CAPRIN1: variants seen among roughly 807,000 people sequenced by gnomAD.
CAPRIN1 encodes the protein caprin-1.
A neutral mutation model predicts 100.9 loss-of-function variants in CAPRIN1; 29 were observed. That is an observed-to-expected ratio of 0.29 (90% confidence interval 0.21 to 0.39). CAPRIN1 has a LOEUF of 0.39. Among genes scored for constraint, CAPRIN1 ranks in the 10% least tolerant of loss-of-function variants. The pLI is 1.00. For synonymous variants in CAPRIN1, 338 were observed against 307.5 expected (o/e 1.10, Z -1.04); for missense variants, 795 against 876.7 (o/e 0.91, Z 1.18).
chr11:34,060,014 G>C (rs1252433777), intron 2 of CAPRIN1, among the ~76,000 whole-genome samples: 1 of 149,936 alleles, frequency 6.7e-6, no homozygotes, highest in Non-Finnish European at 1.5e-5. Context: ...TGGCCAACCT[G>C]TGAAACCCCG....
intron 15 of CAPRIN1, among the ~76,000 whole-genome samples, chr11:34,093,944 G>C (rs1262286473): frequency 6.9e-6 from 1 of 145,360 alleles, no homozygotes; most frequent in Non-Finnish European, 1.5e-5. Context: ...CCACTGATAA[G>C]TACATGGATT....
At chr11:34,071,856 G>A (rs1357426738) in intron 3 of CAPRIN1, 45 bp from the exon 4 acceptor site, 1 of 1,585,416 alleles carries the variant, frequency 6.3e-7, no homozygotes, top group Admixed American at 1.7e-5. Context: ...TTAATTCTGT[G>A]GTTTTTTGTC....
In CAPRIN1 at chr11:34,062,267, G is replaced by A. The variant is rs977820584; in HGVS notation, c.217-9459G>A. On this transcript the variant is annotated intron_variant, in intron 2 of 18. Transcript: ENST00000341394. The stretch of plus-strand genomic sequence containing the variant: ...ACCATTGTGGGCAAAGTCAAAACTC[G>A]TAATTGTCTAAGTGAAGAACAGAGA... Among the ~76,000 whole-genome samples the A allele has an allele frequency of 5.5e-4, 84 of 152,164 alleles. 1 individual carries two copies. The highest frequency in any genetic ancestry group is 1.8e-3 in the African/African-American group (74 of 41,440).
At chr11:34,074,192 T>C (rs1443004751) in intron 4 of CAPRIN1, among the ~76,000 whole-genome samples, 3 of 152,202 alleles carry the variant, frequency 2.0e-5, no homozygotes, top group African/African-American at 4.8e-5. Flanking sequence ...CCAATTTCTT[T>C]TTCTTGCTTT....
At chr11:34,069,989 T>A (rs1227880264) in intron 2 of CAPRIN1, among the ~76,000 whole-genome samples, 1 of 152,190 alleles carries the variant, frequency 6.6e-6, no homozygotes, top group Non-Finnish European at 1.5e-5. Flanking sequence ...ATGCCCTTTA[T>A]TAGAATTTAA....
chr11:34,052,657 A>T (rs1307923576), intron 2 of CAPRIN1, 21 bp downstream of exon 2: 8 of 1,588,438 alleles, frequency 5.0e-6, no homozygotes, highest in African/African-American at 1.3e-5. Context: ...TTGGCGGGGA[A>T]GGGAGGGGTG....
At chr11:34,085,728 C>T (rs373168335) in intron 9 of CAPRIN1, among the ~76,000 whole-genome samples, 2 of 151,978 alleles carry the variant, frequency 1.3e-5, no homozygotes, top group South Asian at 2.1e-4. Context: ...TGCTTGAACC[C>T]GGGAGATGGA....
intron 18 of CAPRIN1, chr11:34,098,166 A>G: frequency 3.0e-6 from 3 of 1,002,836 alleles, no homozygotes; most frequent in Non-Finnish European, 2.4e-6. Context: ...CATGCCTATT[A>G]TATTTTAGGG....
Position 34,071,938 on chromosome 11 carries a change from T to G in CAPRIN1, c.317T>G (p.Leu106Trp). 1 of 1,613,638 alleles carries G rather than the reference T, an allele frequency of 6.2e-7. No individual in the cohort carries two copies. Among genetic ancestry groups the G allele is most frequent in the Non-Finnish European group, 8.5e-7 (1 of 1,179,718 alleles). ...VSKYQEVTNN[L>W]EFAKELQRSF... is the part of the protein sequence containing the mutation. ...AAGTACCAGGAAGTCACAAATAATT[T>G]GGAGTTTGCAAAAGAATTACAGAGG... is the stretch of plus-strand genomic sequence containing the variant. The change falls in exon 4 of 19, where the codon TTG becomes TGG. Residue 106 changes from leucine to tryptophan, a missense_variant. Transcript: ENST00000341394.
chr11:34,060,532 A>G (rs1353927063), intron 2 of CAPRIN1, among the ~76,000 whole-genome samples: 1 of 152,190 alleles, frequency 6.6e-6, no homozygotes, highest in Admixed American at 6.5e-5. Context: ...CTAAACATAG[A>G]AATAACTGAA....
intron 18 of CAPRIN1, chr11:34,098,965 A>G (rs1851412578): frequency 2.6e-6 from 3 of 1,140,300 alleles, no homozygotes; most frequent in Non-Finnish European, 3.3e-6. Flanking sequence ...GAGAGCAGGT[A>G]CCTTGTCTGT....
chr11:34,061,969 C>CAAAAAAAA (rs3073356), intron 2 of CAPRIN1, among the ~76,000 whole-genome samples: 1 of 118,250 alleles, frequency 8.5e-6, no homozygotes, highest in Admixed American at 9.2e-5. Context: ...GAGTCTGTCT[C>CAAAAAAAA]AAAAAAAAAA....
chr11:34,065,893 T>C (rs960616838), intron 2 of CAPRIN1, among the ~76,000 whole-genome samples: 1 of 152,238 alleles, frequency 6.6e-6, no homozygotes, highest in Non-Finnish European at 1.5e-5. Context: ...ATAATAGTAG[T>C]GTAGAAAATG....
chr11:34,087,329 ATTTTTTTTTTTT>A lies in CAPRIN1; in HGVS notation c.1231+927_1231+938del, dbSNP rs5790975. On this transcript the variant is annotated intron_variant, in intron 11 of 18. Transcript: ENST00000341394. ...AGTAAAGGGAGCTCATATCTCTCACATTTTTTTTTTTTTTTTTTTTTTGAGACGGAGTCTCGC... is the reference window on the plus strand; with the variant it reads ...AGTAAAGGGAGCTCATATCTCTCACATTTTTTTTTTGAGACGGAGTCTCGC... Among the ~76,000 whole-genome samples the A allele has an allele frequency of 5.4e-4, 52 of 96,580 alleles. 3 individuals carry two copies. The highest frequency in any genetic ancestry group is 8.1e-4 in the Non-Finnish European group (42 of 52,084). The allele number at this position is 96,580 out of a possible 152,430, so 63.4% of individuals were successfully genotyped here.
chr11:34,099,444 T>A lies in CAPRIN1; in HGVS notation c.*77T>A. The stretch of plus-strand genomic sequence containing the variant: ...CATAATATGTTACCAGAAGAGTTAT[T>A]ATCTATTTGTTCTCCCTTTCAGGAA... On this transcript the variant is annotated 3_prime_UTR_variant, in exon 19 of 19. Coordinates refer to ENST00000341394, the MANE Select transcript of CAPRIN1 (RefSeq NM_005898.5). The A allele has an allele frequency of 8.3e-7, 1 of 1,209,648 alleles. No individual in the cohort carries two copies. Among genetic ancestry groups the A allele is most frequent in the African/African-American group, 1.5e-5 (1 of 66,984 alleles). 74.9% of individuals were successfully genotyped at this position (1,209,648 alleles called of 1,614,324 possible). A position where few individuals can be genotyped will look rare whatever the true frequency, so the allele number is the denominator to read the frequency against.
intron 2 of CAPRIN1, among the ~76,000 whole-genome samples, chr11:34,070,645 C>G (rs1850788774): frequency 6.6e-6 from 1 of 152,080 alleles, no homozygotes; most frequent in African/African-American, 2.4e-5. Context: ...ATCCACCCAC[C>G]TTGGCCTTCC....
intron 2 of CAPRIN1, among the ~76,000 whole-genome samples, chr11:34,066,962 C>G (rs1850711155): frequency 6.8e-6 from 1 of 146,380 alleles, no homozygotes; most frequent in African/African-American, 2.5e-5. Context: ...GACAGTCTTA[C>G]TCTGTTTCCC....
rs1001249999 is a variant in CAPRIN1, at chr11:34,066,343, AT to A, written c.217-5375del. Among the ~76,000 whole-genome samples the A allele has an allele frequency of 3.8e-3, 573 of 150,334 alleles. 5 individuals carry two copies. The highest frequency in any genetic ancestry group is 0.013 in the African/African-American group (539 of 40,822). ...TTTATTTTTATTTATTTATTTATTT[AT>A]TTTTTTTGAGACAGATTCTCACTCT... On this transcript the variant is annotated intron_variant, in intron 2 of 18. Coordinates refer to ENST00000341394, the MANE Select transcript of CAPRIN1 (RefSeq NM_005898.5).
chr11:34,096,879 G>A (rs2179830), intron 16 of CAPRIN1, among the ~76,000 whole-genome samples: 2,623 of 152,128 alleles, frequency 0.017, 53 homozygotes, highest in Admixed American at 0.064. Context: ...TTGTTCATTT[G>A]GTTATGTCAA....
Sources: gnomAD v4.1 joint callset for allele counts (sites outside exome capture counted in the v4.1 genomes callset) on GRCh38, gnomAD v4.1.1 for gene constraint, MANE v1.5 for transcripts, NCBI Gene and HGNC (gene_info 2026-07-23, HGNC 2026-07-21) for gene names.